DAAM1: variants seen among roughly 807,000 people sequenced by gnomAD.
DAAM1 encodes the protein disheveled-associated activator of morphogenesis 1.
In DAAM1, 52 loss-of-function variants were observed where a neutral mutation model predicts 130.0. The observed-to-expected ratio is 0.40, with a 90% CI of 0.32 to 0.50. The LOEUF is 0.50. Among genes scored for constraint, DAAM1 ranks in the 20% least tolerant of loss-of-function variants. DAAM1 has a pLI of 0.61. For synonymous variants in DAAM1, 452 were observed against 444.5 expected (o/e 1.02, Z -0.21); for missense variants, 1,134 against 1,303.8 (o/e 0.87, Z 2.01).
chr14:59,285,262 A>T (rs1447509218), intron 2 of DAAM1, among the ~76,000 whole-genome samples: 7 of 152,216 alleles, frequency 4.6e-5, no homozygotes, highest in African/African-American at 1.4e-4. Flanking sequence ...GCAAATGCTA[A>T]GGGAACTTGT....
intron 1 of DAAM1, among the ~76,000 whole-genome samples, chr14:59,222,213 G>C (rs1013540600): frequency 2.0e-5 from 3 of 152,104 alleles, no homozygotes; most frequent in Non-Finnish European, 4.4e-5. Flanking sequence ...CTCATTTTGT[G>C]GTCTGTGAAG....
At chr14:59,277,117 T>G (rs1411951278) in intron 2 of DAAM1, among the ~76,000 whole-genome samples, 1 of 152,222 alleles carries the variant, frequency 6.6e-6, no homozygotes, top group Non-Finnish European at 1.5e-5. Context: ...TTTAGAGGTT[T>G]TATAAATGAT....
At chr14:59,230,860 C>T (rs1405038026) in intron 1 of DAAM1, among the ~76,000 whole-genome samples, 6 of 152,062 alleles carry the variant, frequency 3.9e-5, no homozygotes, top group Non-Finnish European at 7.4e-5. Flanking sequence ...GATATGTACA[C>T]CTATATACCC....
rs543983987 is a variant in DAAM1 at position 59,332,352 on chromosome 14, A to G, written c.1968+432A>G. Among the ~76,000 whole-genome samples the G allele has an allele frequency of 5.3e-5, 8 of 152,288 alleles. No individual in the cohort carries two copies. In the South Asian group the frequency reaches 1.2e-3, roughly 24 times the overall value. On this transcript the variant is annotated intron_variant, in intron 15 of 24. Coordinates refer to ENST00000360909, the MANE Select transcript of DAAM1 (RefSeq NM_001270520.2). ...TGAAGCAGAATTCTTTGTGAAATGG[A>G]TGGAATTTTTAGAAGTATGGAGGTT...
chr14:59,259,732 C>T (rs1347611242), intron 1 of DAAM1, among the ~76,000 whole-genome samples: 2 of 152,226 alleles, frequency 1.3e-5, no homozygotes, highest in African/African-American at 2.4e-5. Context: ...CTGCTGCTGC[C>T]TACCTGTGTT....
At chr14:59,279,301 T>C (rs565321755) in intron 2 of DAAM1, among the ~76,000 whole-genome samples, 3 of 152,324 alleles carry the variant, frequency 2.0e-5, no homozygotes, top group African/African-American at 7.2e-5. Flanking sequence ...AGAGATACTA[T>C]TGAGATACAG....
chr14:59,275,859 G>A (rs891445240), intron 2 of DAAM1, among the ~76,000 whole-genome samples: 2 of 152,178 alleles, frequency 1.3e-5, no homozygotes, highest in African/African-American at 4.8e-5. Context: ...ATCAGACACA[G>A]AGAATATTAC....
intron 5 of DAAM1, among the ~76,000 whole-genome samples, chr14:59,321,387 A>G (rs542092783): frequency 6.6e-6 from 1 of 152,252 alleles, no homozygotes; most frequent in Non-Finnish European, 1.5e-5. Flanking sequence ...CTCTGTGAAT[A>G]TACTAAAAGC....
At chr14:59,366,567 ATTTTG>A (rs1358205308) in intron 23 of DAAM1, among the ~76,000 whole-genome samples, 1 of 152,192 alleles carries the variant, frequency 6.6e-6, no homozygotes, top group Non-Finnish European at 1.5e-5. Flanking sequence ...ACCCTACAAT[ATTTTG>A]TTTTTACTAC....
chr14:59,194,602 C>T (rs1887827494), intron 1 of DAAM1, among the ~76,000 whole-genome samples: 1 of 152,178 alleles, frequency 6.6e-6, no homozygotes, highest in African/African-American at 2.4e-5. Context: ...TTCTCAGCCT[C>T]CCTCTTCCCT....
At chr14:59,254,728 C>T (rs1381465765) in intron 1 of DAAM1, among the ~76,000 whole-genome samples, 1 of 152,132 alleles carries the variant, frequency 6.6e-6, no homozygotes, top group South Asian at 2.1e-4. Flanking sequence ...CTTCCTAACT[C>T]GAGAACCTTG....
intron 1 of DAAM1, among the ~76,000 whole-genome samples, chr14:59,196,027 A>G (rs1364709236): frequency 6.6e-6 from 1 of 152,232 alleles, no homozygotes; most frequent in Non-Finnish European, 1.5e-5. Context: ...AGTGAGAGGC[A>G]AGACTGCCAG....
rs398025271 is a variant in DAAM1, at chr14:59,370,144, C to CTTTTTTTTTTTTTT, written c.*1298_*1311dup. 7 of 95,400 alleles carry CTTTTTTTTTTTTTT rather than the reference C, an allele frequency of 7.3e-5. No individual in the cohort carries two copies. Among genetic ancestry groups the CTTTTTTTTTTTTTT allele is most frequent in the Non-Finnish European group, 8.6e-5 (4 of 46,364 alleles). 5.9% of individuals were successfully genotyped at this position (95,400 alleles called of 1,614,324 possible). On this transcript the variant is annotated 3_prime_UTR_variant, in exon 25 of 25. Coordinates refer to ENST00000360909, the MANE Select transcript of DAAM1 (RefSeq NM_001270520.2). ...TATAAAGAGGACTGTTACTTTTTTA[C>CTTTTTTTTTTTTTT]TTTTTTTTTTTTTTTTTTTTTTTTT...
chr14:59,331,320 C>T lies in DAAM1; in HGVS notation c.1672C>T (p.Pro558Ser). ...TCCTCCCCCACCACCCCCACCTCTA[C>T]CAGGTGGGATGCTTCCCCCTCCACC... Reference protein sequence around the residue: ...LLPPPPPPPLPGGMLPPPPPP... With the variant: ...LLPPPPPPPLSGGMLPPPPPP... The change falls in exon 14 of 25, where the codon CCA (proline) becomes TCA (serine). Residue 558 changes from proline to serine, a missense_variant. Pro to Ser is a moderately conservative substitution (Grantham distance 74). Coordinates refer to ENST00000360909, the MANE Select transcript of DAAM1 (RefSeq NM_001270520.2). 6.3e-7 allele frequency: 1 copy of T among 1,582,418 alleles called. No homozygotes were observed. The highest frequency in any genetic ancestry group is 1.7e-5 in the Admixed American group (1 of 59,466).
chr14:59,269,556 A>G (rs1220955483), intron 2 of DAAM1, among the ~76,000 whole-genome samples: 1 of 152,202 alleles, frequency 6.6e-6, no homozygotes, highest in African/African-American at 2.4e-5. Context: ...AGTGCAGCTT[A>G]CGTGAGTAAA....
chr14:59,280,749 A>G (rs1883179391), intron 2 of DAAM1, among the ~76,000 whole-genome samples: 1 of 152,020 alleles, frequency 6.6e-6, no homozygotes, highest in Non-Finnish European at 1.5e-5. Flanking sequence ...ACCTGGAGGG[A>G]ATAGCTGATG....
chr14:59,323,215 C>A lies in DAAM1; in HGVS notation c.764C>A (p.Thr255Asn). Residue 255 changes from threonine (T) to asparagine (N), a missense_variant, in exon 6 of 25, where the codon ACC (threonine) becomes AAC (asparagine). Physicochemically the swap from Thr to Asn is moderately conservative, Grantham distance 65. Transcript: ENST00000360909. ...TACCAGAAGTATGCCAGCGAAAGGA[C>A]CCGCTTTCAGGTGGGTGTTCGCTCA... is the stretch of plus-strand genomic sequence containing the variant. ...LHYQKYASERTRFQTLINDLD... is the reference protein window; with the variant it reads ...LHYQKYASERNRFQTLINDLD... 2 of 1,604,768 alleles carry A rather than the reference C, an allele frequency of 1.2e-6. No homozygotes were observed. The highest frequency in any genetic ancestry group is 1.7e-6 in the Non-Finnish European group (2 of 1,174,170).
At chr14:59,319,933 C>T (rs1009033741) in intron 4 of DAAM1, among the ~76,000 whole-genome samples, 2 of 152,080 alleles carry the variant, frequency 1.3e-5, no homozygotes, top group African/African-American at 4.8e-5. Context: ...CACACACACA[C>T]ACACACACAC....
chr14:59,248,193 T>C (rs1881478930), intron 1 of DAAM1, among the ~76,000 whole-genome samples: 1 of 152,232 alleles, frequency 6.6e-6, no homozygotes, highest in Non-Finnish European at 1.5e-5. Context: ...AATTATCCAA[T>C]AAAGCAATTA....
Sources: gnomAD v4.1 joint callset for allele counts (sites outside exome capture counted in the v4.1 genomes callset) on GRCh38, gnomAD v4.1.1 for gene constraint, MANE v1.5 for transcripts, NCBI Gene and HGNC (gene_info 2026-07-23, HGNC 2026-07-21) for gene names.